The following NHS variants were observed in gnomAD, a reference collection of about 807,000 sequenced individuals.
NHS encodes the protein NHS actin remodeling regulator, also known as actin remodeling regulator NHS.
Under a neutral mutation model 72.5 loss-of-function variants are expected in NHS, and 5 were observed. The observed-to-expected ratio is 0.07, with a 90% CI of 0.04 to 0.14. The LOEUF (loss-of-function observed/expected upper bound fraction) is 0.14, where lower values mean the gene tolerates loss of function less well. NHS is among the 10% of genes least tolerant of loss of function. The pLI is 1.00. For missense variants in NHS, 1,072 were observed against 1,355.7 expected (o/e 0.79, Z 3.29); for synonymous variants, 464 against 547.7 (o/e 0.85, Z 2.13).
chrX:17,715,434 G>A (rs762047148), intron 3 of NHS, among the ~76,000 whole-genome samples: 205 of 112,389 alleles, frequency 1.8e-3, no homozygotes, highest in African/African-American at 6.0e-3. Context: ...TGGTTGATGA[G>A]CATTTAGGTT....
chrX:17,458,748 C>A lies in NHS; in HGVS notation c.565+82426C>A, dbSNP rs185696351. ...CCTCAGGTGATCTGCCTGCCCTGGC[C>A]TCCAAAAGTACTGGGATTACAGGCG... On this transcript the variant is annotated intron_variant, in intron 1 of 8. Coordinates refer to ENST00000676302, the MANE Select transcript of NHS (RefSeq NM_001291867.2). Among the ~76,000 whole-genome samples the A allele has an allele frequency of 2.2e-4, 25 of 112,312 alleles. 1 individual carries two copies. The East Asian group carries it at 4.2e-3, about 19-fold the overall frequency.
chrX:17,508,943 G>A lies in NHS; in HGVS notation c.565+132621G>A, dbSNP rs750713291. 4.5e-5 allele frequency among the ~76,000 whole-genome samples: 5 copies of A among 111,966 alleles called. No individual in the cohort carries two copies. In the South Asian group the frequency reaches 1.9e-3, roughly 42 times the overall value. ...ATGTGGAAGTGTGGGTACAGAGAAG[G>A]TAAGGGGTTGGAGATAGGATTCAAA... On this transcript the variant is annotated intron_variant, in intron 1 of 8. Transcript: ENST00000676302.
At chrX:17,486,571 A>G in intron 1 of NHS, among the ~76,000 whole-genome samples, 1 of 111,670 alleles carries the variant, frequency 9.0e-6, no homozygotes, top group East Asian at 2.8e-4. Context: ...TGGCAGAAGC[A>G]CAGGAGGACA....
intron 1 of NHS, among the ~76,000 whole-genome samples, chrX:17,388,698 C>T (rs950138136): frequency 5.5e-5 from 6 of 109,277 alleles, no homozygotes; most frequent in African/African-American, 1.3e-4. Flanking sequence ...CCTTTTGCTC[C>T]GAGTGGAGTG....
intron 1 of NHS, among the ~76,000 whole-genome samples, chrX:17,438,192 G>T (rs914425494): frequency 1.6e-4 from 18 of 111,674 alleles, no homozygotes; most frequent in African/African-American, 5.5e-4. Context: ...CTGGGATTCT[G>T]CATTTCTCAC....
At chrX:17,578,732 T>C (rs1406710282) in intron 1 of NHS, among the ~76,000 whole-genome samples, 2 of 112,422 alleles carry the variant, frequency 1.8e-5, no homozygotes, top group African/African-American at 6.5e-5. Flanking sequence ...AGTTCTTAGA[T>C]CTATCTGTCC....
At chrX:17,638,432 T>C (rs2065862048) in intron 1 of NHS, among the ~76,000 whole-genome samples, 1 of 112,675 alleles carries the variant, frequency 8.9e-6, no homozygotes, top group Admixed American at 9.4e-5. Context: ...AATGTGAGAA[T>C]TGAAAACTAC....
intron 1 of NHS, among the ~76,000 whole-genome samples, chrX:17,529,542 A>G (rs1157658290): frequency 9.0e-6 from 1 of 111,716 alleles, no homozygotes; most frequent in East Asian, 2.8e-4. Flanking sequence ...TGAAGCCGAC[A>G]AAGAAAGCTG....
At chrX:17,628,610 G>A (rs916614840) in intron 1 of NHS, among the ~76,000 whole-genome samples, 1 of 112,954 alleles carries the variant, frequency 8.9e-6, no homozygotes, top group African/African-American at 3.2e-5. Context: ...CTTATTGTCT[G>A]TTTTACTAGG....
At chrX:17,698,516 A>C (rs1357894304) in intron 3 of NHS, among the ~76,000 whole-genome samples, 2 of 111,697 alleles carry the variant, frequency 1.8e-5, no homozygotes, top group African/African-American at 3.2e-5. Context: ...ATTCTACTAA[A>C]CCTTCAAAGT....
At chrX:17,433,187 G>A (rs373985557) in intron 1 of NHS, among the ~76,000 whole-genome samples, 1 of 94,471 alleles carries the variant, frequency 1.1e-5, no homozygotes, top group Non-Finnish European at 2.1e-5. Flanking sequence ...CCGCCACCAC[G>A]CCCGGCTACT....
intron 1 of NHS, among the ~76,000 whole-genome samples, chrX:17,577,031 T>G (rs1045334551): frequency 8.9e-6 from 1 of 111,836 alleles, no homozygotes; most frequent in Non-Finnish European, 1.9e-5. Flanking sequence ...AGACCCGACA[T>G]CCTTCTCTGG....
intron 1 of NHS, among the ~76,000 whole-genome samples, chrX:17,435,524 G>C (rs1231075760): frequency 8.9e-6 from 1 of 112,276 alleles, no homozygotes; most frequent in Non-Finnish European, 1.9e-5. Context: ...TCTGCCTGCG[G>C]GCTCTAATTA....
intron 1 of NHS, among the ~76,000 whole-genome samples, chrX:17,484,579 G>A (rs2064959849): frequency 9.1e-6 from 1 of 110,230 alleles, no homozygotes; most frequent in South Asian, 3.9e-4. Flanking sequence ...GGAAGGAACA[G>A]GCAAGGCAGG....
chrX:17,708,238 A>G (rs1490693075), intron 3 of NHS, among the ~76,000 whole-genome samples: 1 of 111,682 alleles, frequency 9.0e-6, no homozygotes, highest in Admixed American at 9.5e-5. Context: ...CTGCCCAAAG[A>G]AATAAGTTCA....
rs1401041717 is a variant in NHS at position 17,611,698 on chromosome X, A to C, written c.566-76044A>C. Among the ~76,000 whole-genome samples, 6 of 111,320 alleles carry C rather than the reference A, an allele frequency of 5.4e-5. No individual in the cohort carries two copies. In the South Asian group the frequency reaches 2.3e-3, roughly 43 times the overall value. Reference sequence around the variant, plus strand: ...TCAGTATTTTCAGCAGACAAACAAGAACCAAATTATCCACACTCAGGTACT... The same window carrying C: ...TCAGTATTTTCAGCAGACAAACAAGCACCAAATTATCCACACTCAGGTACT... On this transcript the variant is annotated intron_variant, in intron 1 of 8. Transcript: ENST00000676302.
chrX:17,601,087 G>A (rs1172928558), intron 1 of NHS, among the ~76,000 whole-genome samples: 1 of 112,026 alleles, frequency 8.9e-6, no homozygotes, highest in Non-Finnish European at 1.9e-5. Flanking sequence ...AGCCATTATA[G>A]GTGCTAGCAT....
At chrX:17,431,755 AAAAT>A (rs1360202388) in intron 1 of NHS, among the ~76,000 whole-genome samples, 1 of 112,093 alleles carries the variant, frequency 8.9e-6, no homozygotes, top group Non-Finnish European at 1.9e-5. Context: ...ATTTAATTGT[AAAAT>A]GACAAAAGGG....
chrX:17,380,219 G>A (rs1260939606), intron 1 of NHS, among the ~76,000 whole-genome samples: 4 of 111,721 alleles, frequency 3.6e-5, no homozygotes, highest in Non-Finnish European at 7.5e-5. Context: ...CTTCTGAGAG[G>A]AAGATAAGCA....
Sources: gnomAD v4.1 joint callset for allele counts (sites outside exome capture counted in the v4.1 genomes callset) on GRCh38, gnomAD v4.1.1 for gene constraint, MANE v1.5 for transcripts, NCBI Gene and HGNC (gene_info 2026-07-23, HGNC 2026-07-21) for gene names.